Variants in LPAR5 observed in about 807,000 individuals in gnomAD.
LPAR5 encodes lysophosphatidic acid receptor 5, also known as G protein-coupled receptor 92.
For synonymous variants in LPAR5, 271 were observed against 261.6 expected (o/e 1.04, Z -0.35); for missense variants, 544 against 521.8 (o/e 1.04, Z -0.41).
At position 6,619,728 on chromosome 12, in the gene LPAR5, G is replaced by T. The variant is rs1489415142; in HGVS notation, c.*402C>A. 1 of 366,674 alleles carries T rather than the reference G, an allele frequency of 2.7e-6. No homozygotes were observed. The highest frequency in any genetic ancestry group is 2.1e-5 in the African/African-American group (1 of 47,456). 22.7% of individuals were successfully genotyped at this position (366,674 alleles called of 1,614,324 possible). A position where few individuals can be genotyped will look rare whatever the true frequency, so the allele number is the denominator to read the frequency against. ...GATGAACAGGCATCTCAGTAGCTTT[G>T]TCCACCAAACCTGGTGCTCTTCAGC... On this transcript the variant is annotated 3_prime_UTR_variant, in exon 2 of 2. Coordinates refer to ENST00000329858, the MANE Select transcript of LPAR5 (RefSeq NM_020400.6).
At chr12:6,629,397 A>G (rs7965300) in intron 1 of LPAR5, among the ~76,000 whole-genome samples, 145,317 of 146,644 alleles carry the variant, frequency 0.99, 72,015 homozygotes, top group Middle Eastern at 1. Context: ...AAAAAGGGCC[A>G]AGCGCGGTGG....
chr12:6,624,439 G>A (rs1356275580), intron 1 of LPAR5, among the ~76,000 whole-genome samples: 1 of 152,042 alleles, frequency 6.6e-6, no homozygotes, highest in Non-Finnish European at 1.5e-5. Flanking sequence ...ACTACCCACC[G>A]CACCCCATTC....
rs921672414 is a variant in LPAR5, at chr12:6,620,091, G to A, written c.*39C>T. On this transcript the variant is annotated 3_prime_UTR_variant, in exon 2 of 2. Coordinates refer to ENST00000329858, the MANE Select transcript of LPAR5 (RefSeq NM_020400.6). The surrounding 1 kb of genome is among the most constrained non-coding windows in gnomAD (Gnocchi z 6.8). ...CTGTAAGCCTCCCAGAACGAGAGGCGTTGGGAGTCGGGCACGGACAGCGCA... is the reference window on the plus strand; with the variant it reads ...CTGTAAGCCTCCCAGAACGAGAGGCATTGGGAGTCGGGCACGGACAGCGCA... The A allele has an allele frequency of 9.9e-6, 16 of 1,612,086 alleles. No individual in the cohort carries two copies. In the Admixed American group the frequency reaches 2.7e-4, roughly 27 times the overall value.
Position 6,620,660 on chromosome 12 carries a change from C to A in LPAR5, c.589G>T (p.Ala197Ser), listed in dbSNP as rs758585284. The A allele has an allele frequency of 3.9e-6, 6 of 1,558,278 alleles. No homozygotes were observed. Among genetic ancestry groups the A allele is most frequent in the South Asian group, 2.4e-5 (2 of 85,104 alleles). The change falls in exon 2 of 2, where the codon GCG becomes TCG. Residue 197 changes from alanine to serine, a missense_variant. By Grantham distance (99) the Ala-to-Ser change is moderately conservative. Transcript: ENST00000329858. This position sits in a 1 kb window ranked among gnomAD's most constrained non-coding sequence, Gnocchi z 6.8. ...RLLPLVLLAE[A>S]LGFLLPLAAV... The stretch of plus-strand genomic sequence containing the variant: ...GCCAGGGGCAGCAGGAAGCCCAGCG[C>A]CTCGGCCAGCAGCACGAGGGGCAGC...
intron 1 of LPAR5, among the ~76,000 whole-genome samples, chr12:6,633,499 G>A (rs770618948): frequency 7.3e-5 from 11 of 151,546 alleles, no homozygotes; most frequent in Non-Finnish European, 1.2e-4. Context: ...TGCAACCTCC[G>A]CCTCCCGGGT....
intron 1 of LPAR5, chr12:6,631,729 C>T (rs993294942): frequency 1.3e-5 from 2 of 152,212 alleles, no homozygotes; most frequent in African/African-American, 4.8e-5. Flanking sequence ...GCAGGAGGTG[C>T]AATCATGATC....
At chr12:6,632,246 C>A (rs990962789) in intron 1 of LPAR5, among the ~76,000 whole-genome samples, 1 of 152,172 alleles carries the variant, frequency 6.6e-6, no homozygotes, top group Non-Finnish European at 1.5e-5. Flanking sequence ...GCTGGAATTA[C>A]AGGCGTGAGC....
chr12:6,627,853 C>T (rs920033064), intron 1 of LPAR5, among the ~76,000 whole-genome samples: 7 of 151,286 alleles, frequency 4.6e-5, no homozygotes, highest in African/African-American at 1.7e-4. Context: ...CTACCCCCGC[C>T]CACGCTCTAA....
chr12:6,628,861 A>G (rs1024753784), intron 1 of LPAR5, among the ~76,000 whole-genome samples: 1 of 150,838 alleles, frequency 6.6e-6, no homozygotes, highest in African/African-American at 2.4e-5. Flanking sequence ...CGAACTCCCA[A>G]CCTCAGGTGA....
rs1053708868 is a variant in LPAR5, at chr12:6,619,962, C to T, written c.*168G>A. 3 of 940,352 alleles carry T rather than the reference C, an allele frequency of 3.2e-6. No individual in the cohort carries two copies. Among genetic ancestry groups the T allele is most frequent in the African/African-American group, 1.6e-5 (1 of 61,394 alleles). The allele number at this position is 940,352 out of a possible 1,614,324, so 58.3% of individuals were successfully genotyped here. On this transcript the variant is annotated 3_prime_UTR_variant, in exon 2 of 2. Coordinates refer to ENST00000329858, the MANE Select transcript of LPAR5 (RefSeq NM_020400.6). Reference sequence around the variant, plus strand: ...AAGAAGCCATTTCCAGCAGCACTGCCTTCCCTGGGCCCTGGCTTCCACACT... The same window carrying T: ...AAGAAGCCATTTCCAGCAGCACTGCTTTCCCTGGGCCCTGGCTTCCACACT...
chr12:6,627,068 A>C (rs1403246624), intron 1 of LPAR5, among the ~76,000 whole-genome samples: 1 of 152,248 alleles, frequency 6.6e-6, no homozygotes, highest in African/African-American at 2.4e-5. Context: ...TAACATAGAT[A>C]CATTATTTCA....
intron 1 of LPAR5, among the ~76,000 whole-genome samples, chr12:6,625,492 C>T (rs928993005): frequency 1.3e-4 from 20 of 149,002 alleles, no homozygotes; most frequent in South Asian, 4.2e-4. Flanking sequence ...GAGGCCAAGG[C>T]GGGCGGATCA....
At chr12:6,629,146 T>C (rs190161412) in intron 1 of LPAR5, among the ~76,000 whole-genome samples, 3,608 of 143,488 alleles carry the variant, frequency 0.025, 53 homozygotes, top group Admixed American at 0.044. Flanking sequence ...GAGGCCGAGG[T>C]GGGCGGATTA....
chr12:6,621,339 G>C lies in LPAR5; in HGVS notation c.-91C>G. The C allele has an allele frequency of 3.1e-6, 4 of 1,304,478 alleles. No homozygotes were observed. Among genetic ancestry groups the C allele is most frequent in the East Asian group, 2.8e-5 (1 of 35,848 alleles). 80.8% of individuals were successfully genotyped at this position (1,304,478 alleles called of 1,614,324 possible). ...CATTCACCTCCGGGGCTGGGGCCTAGAGGCTGTACAGACATGGTCCCAAAA... is the reference window on the plus strand; with the variant it reads ...CATTCACCTCCGGGGCTGGGGCCTACAGGCTGTACAGACATGGTCCCAAAA... On this transcript the variant is annotated 5_prime_UTR_variant, in exon 2 of 2. Coordinates refer to ENST00000329858, the MANE Select transcript of LPAR5 (RefSeq NM_020400.6).
intron 1 of LPAR5, among the ~76,000 whole-genome samples, chr12:6,629,690 A>T (rs191788087): frequency 1.3e-5 from 2 of 151,216 alleles, no homozygotes; most frequent in African/African-American, 4.9e-5. Context: ...AAAAAAATTA[A>T]AATGTTAAAT....
chr12:6,631,955 C>T (rs1047989099), intron 1 of LPAR5, among the ~76,000 whole-genome samples: 1 of 152,106 alleles, frequency 6.6e-6, no homozygotes, highest in African/African-American at 2.4e-5. Flanking sequence ...CTTTTGCCTC[C>T]TTTCTTTCTT....
At position 6,619,863 on chromosome 12, in the gene LPAR5, GC is replaced by G. The variant is rs1359466187; in HGVS notation, c.*266del. On this transcript the variant is annotated 3_prime_UTR_variant, in exon 2 of 2. Transcript: ENST00000329858. ...ACCCAAAGGCATTTCGTCCTCTTCTGCCCTCTGCACGGGTGGGCTCTCTGCA... is the reference window on the plus strand; with the variant it reads ...ACCCAAAGGCATTTCGTCCTCTTCTGCCTCTGCACGGGTGGGCTCTCTGCA... The G allele has an allele frequency of 4.6e-6, 3 of 655,660 alleles. No individual in the cohort carries two copies. The highest frequency in any genetic ancestry group is 2.4e-4 in the Middle Eastern group (1 of 4,118). The allele number at this position is 655,660 out of a possible 1,614,324, so 40.6% of individuals were successfully genotyped here.
intron 1 of LPAR5, among the ~76,000 whole-genome samples, chr12:6,627,063 T>C (rs1302467896): frequency 2.0e-5 from 3 of 152,230 alleles, no homozygotes; most frequent in Non-Finnish European, 2.9e-5. Flanking sequence ...ATATCTAACA[T>C]AGATACATTA....
chr12:6,628,410 A>T (rs772983963), intron 1 of LPAR5, among the ~76,000 whole-genome samples: 2 of 152,004 alleles, frequency 1.3e-5, no homozygotes, highest in Non-Finnish European at 2.9e-5. Flanking sequence ...TGGATGGATG[A>T]TTTTCAAAGA....
Sources: gnomAD v4.1 joint callset for allele counts (sites outside exome capture counted in the v4.1 genomes callset) on GRCh38, gnomAD v4.1.1 for gene constraint, Gnocchi (gnomAD v3.1) non-coding constraint, MANE v1.5 for transcripts, NCBI Gene and HGNC (gene_info 2026-07-23, HGNC 2026-07-21) for gene names.